The following PRDM10 variants were observed in gnomAD, a reference collection of about 807,000 sequenced individuals.
The protein encoded by PRDM10 is PR domain zinc finger protein 10.
In PRDM10, 65 loss-of-function variants were observed where a neutral mutation model predicts 133.1. The ratio of observed to expected loss-of-function variants is 0.49; its 90% CI spans 0.40 to 0.60. The LOEUF (loss-of-function observed/expected upper bound fraction) is 0.60, where lower values mean the gene tolerates loss of function less well. Among genes scored for constraint, PRDM10 ranks in the 20% least tolerant of loss-of-function variants. The pLI is 0.00. For missense variants in PRDM10, 1,137 were observed against 1,507.1 expected (o/e 0.75, Z 4.07); for synonymous variants, 582 against 580.4 (o/e 1.00, Z -0.04).
At chr11:129,916,000 C>G in intron 15 of PRDM10, 140 bp from the exon 16 acceptor site, 1 of 722,318 alleles carries the variant, frequency 1.4e-6, no homozygotes, top group South Asian at 2.3e-5. Flanking sequence ...TGTATATTAA[C>G]AGATCTATTG....
chr11:129,902,519 A>G lies in PRDM10; in HGVS notation c.3268-3T>C. ...CTTTCTGATAACACATAATGACCCT[A>G]GAGGAAGAAGAAAAGGATCCTTAAA... On this transcript the variant is annotated splice_region_variant and splice_polypyrimidine_tract_variant and intron_variant, in intron 20 of 20. Transcript: ENST00000360871. The G allele has an allele frequency of 6.2e-7, 1 of 1,612,766 alleles. No individual in the cohort carries two copies. The highest frequency in any genetic ancestry group is 8.5e-7 in the Non-Finnish European group (1 of 1,179,242).
At chr11:129,948,450 C>T (rs573650524) in intron 4 of PRDM10, among the ~76,000 whole-genome samples, 1 of 152,204 alleles carries the variant, frequency 6.6e-6, no homozygotes, top group Non-Finnish European at 1.5e-5. Flanking sequence ...GCCTTTGATG[C>T]CTCCAGCCCT....
At chr11:129,936,391 C>A (rs887362545) in intron 8 of PRDM10, among the ~76,000 whole-genome samples, 2 of 152,078 alleles carry the variant, frequency 1.3e-5, no homozygotes, top group South Asian at 2.1e-4. Flanking sequence ...CAGTGGCTCA[C>A]GCCTATAATC....
chr11:129,960,397 A>C (rs1951773655), intron 2 of PRDM10, among the ~76,000 whole-genome samples: 1 of 152,184 alleles, frequency 6.6e-6, no homozygotes. Flanking sequence ...CTGAAAGGCA[A>C]AGGTCATCGA....
intron 20 of PRDM10, among the ~76,000 whole-genome samples, chr11:129,903,649 G>A (rs970432556): frequency 6.6e-6 from 1 of 152,148 alleles, no homozygotes; most frequent in African/African-American, 2.4e-5. Context: ...GAGAGACGTC[G>A]CAGAGAGACT....
chr11:129,915,437 G>A (rs1435788514), intron 16 of PRDM10, among the ~76,000 whole-genome samples: 1 of 152,242 alleles, frequency 6.6e-6, no homozygotes, highest in Non-Finnish European at 1.5e-5. Context: ...AAAACAGCCA[G>A]CTGCTCGGGC....
chr11:129,988,122 T>G (rs966621571), intron 1 of PRDM10, among the ~76,000 whole-genome samples: 2 of 152,196 alleles, frequency 1.3e-5, no homozygotes, highest in Admixed American at 1.3e-4. Context: ...ATTCCATTTA[T>G]GTAAAATATT....
At chr11:129,903,553 T>C (rs1949913057) in intron 20 of PRDM10, among the ~76,000 whole-genome samples, 3 of 152,210 alleles carry the variant, frequency 2.0e-5, no homozygotes, top group Non-Finnish European at 1.5e-5. Flanking sequence ...GTTCAGCCTG[T>C]AGCTGGCTAT....
chr11:129,982,527 A>G (rs1260113981), intron 1 of PRDM10, among the ~76,000 whole-genome samples: 8 of 152,166 alleles, frequency 5.3e-5, no homozygotes, highest in African/African-American at 1.9e-4. Context: ...TGTCTTAGGG[A>G]AGAGTCACCA....
intron 1 of PRDM10, among the ~76,000 whole-genome samples, chr11:129,982,952 C>G (rs1056034801): frequency 2.6e-5 from 4 of 151,992 alleles, no homozygotes; most frequent in African/African-American, 9.7e-5. Context: ...CAAGCAAGAC[C>G]TTGTCTCAAA....
Position 129,947,135 on chromosome 11 carries a change from C to T in PRDM10, c.520+10G>A. 1 of 1,613,482 alleles carries T rather than the reference C, an allele frequency of 6.2e-7. No homozygotes were observed. Among genetic ancestry groups the T allele is most frequent in the Non-Finnish European group, 8.5e-7 (1 of 1,179,570 alleles). ...CAGCTTCCCTGGGGGAGACCCGTGCCCACACTTACACAAGTCGTGTGGGTC... is the reference window on the plus strand; with the variant it reads ...CAGCTTCCCTGGGGGAGACCCGTGCTCACACTTACACAAGTCGTGTGGGTC... On this transcript the variant is annotated intron_variant, in intron 5 of 20. Coordinates refer to ENST00000360871, the MANE Select transcript of PRDM10 (RefSeq NM_199437.2). This position sits in a 1 kb window ranked among gnomAD's most constrained non-coding sequence, Gnocchi z 4.6.
At chr11:129,938,643 T>C (rs894951834) in intron 7 of PRDM10, among the ~76,000 whole-genome samples, 1 of 152,200 alleles carries the variant, frequency 6.6e-6, no homozygotes, top group African/African-American at 2.4e-5. Flanking sequence ...AAATCCCAGT[T>C]ACCCCAGTTG....
At chr11:129,949,892 C>T (rs1951535907) in intron 4 of PRDM10, among the ~76,000 whole-genome samples, 1 of 151,274 alleles carries the variant, frequency 6.6e-6, no homozygotes, top group Non-Finnish European at 1.5e-5. Flanking sequence ...TGAGATCACG[C>T]CATTGCACTC....
chr11:129,963,452 A>AAGAGAAGAGAAG (rs766469989), intron 1 of PRDM10, among the ~76,000 whole-genome samples: 37 of 151,008 alleles, frequency 2.5e-4, no homozygotes, highest in Non-Finnish European at 4.6e-4. Flanking sequence ...AAGAGAAGAG[A>AAGAGAAGAGAAG]AGAAGTCATA....
At chr11:129,944,508 C>A (rs1418530906) in intron 6 of PRDM10, among the ~76,000 whole-genome samples, 2 of 151,794 alleles carry the variant, frequency 1.3e-5, no homozygotes, top group African/African-American at 2.4e-5. Flanking sequence ...TGGCGTGAAC[C>A]CGGAAGGCGG....
At chr11:129,997,751 C>CA (rs1192769214) in intron 1 of PRDM10, among the ~76,000 whole-genome samples, 3 of 152,214 alleles carry the variant, frequency 2.0e-5, no homozygotes, top group Non-Finnish European at 2.9e-5. Flanking sequence ...TTACCAATGT[C>CA]ATTTTATTCT....
At chr11:129,988,066 T>C (rs1314362895) in intron 1 of PRDM10, among the ~76,000 whole-genome samples, 1 of 152,178 alleles carries the variant, frequency 6.6e-6, no homozygotes, top group Non-Finnish European at 1.5e-5. Flanking sequence ...CTGAAAACAT[T>C]ATGCTAAGTG....
At position 129,961,011 on chromosome 11, in the gene PRDM10, C is replaced by G. The variant is rs371516697; in HGVS notation, c.-47G>C. 4.4e-6 allele frequency: 7 copies of G among 1,573,998 alleles called. No homozygotes were observed. In the African/African-American group the frequency reaches 9.5e-5, roughly 21 times the overall value. On this transcript the variant is annotated 5_prime_UTR_variant, in exon 2 of 21. Coordinates refer to ENST00000360871, the MANE Select transcript of PRDM10 (RefSeq NM_199437.2). ...CACGTCTGGCACACCTAGAGCAGCA[C>G]AGGGTACAGGACAGTCATCTGTCTA... is the stretch of plus-strand genomic sequence containing the variant.
intron 1 of PRDM10, among the ~76,000 whole-genome samples, chr11:129,962,210 G>A (rs1338141497): frequency 6.6e-6 from 1 of 152,148 alleles, no homozygotes; most frequent in African/African-American, 2.4e-5. Context: ...TTTTAAGGTA[G>A]TCAGTCTTCC....
Sources: gnomAD v4.1 joint callset for allele counts (sites outside exome capture counted in the v4.1 genomes callset) on GRCh38, gnomAD v4.1.1 for gene constraint, Gnocchi (gnomAD v3.1) non-coding constraint, MANE v1.5 for transcripts, NCBI Gene and HGNC (gene_info 2026-07-23, HGNC 2026-07-21) for gene names.